ECT2: variants seen among roughly 807,000 people sequenced by gnomAD.
ECT2 encodes epithelial cell transforming 2, also known as protein ECT2.
Under a neutral mutation model 116.9 loss-of-function variants are expected in ECT2, and 61 were observed. The ratio of observed to expected loss-of-function variants is 0.52; its 90% CI spans 0.42 to 0.65. The LOEUF is 0.65. Among genes scored for constraint, ECT2 ranks in the 30% least tolerant of loss-of-function variants. The pLI is 0.00. For synonymous variants in ECT2, 358 were observed against 346.4 expected (o/e 1.03, Z -0.37); for missense variants, 937 against 1,078.7 (o/e 0.87, Z 1.84).
downstream of ECT2, among the ~76,000 whole-genome samples, chr3:172,822,542 CA>C (rs1451362468): frequency 2.6e-5 from 4 of 151,784 alleles, no homozygotes; most frequent in Non-Finnish European, 5.9e-5. Flanking sequence ...ATCCCTGACT[CA>C]GCCTAGTTGA....
At chr3:172,790,966 C>G (rs1724547025) in intron 18 of ECT2, among the ~76,000 whole-genome samples, 1 of 152,174 alleles carries the variant, frequency 6.6e-6, no homozygotes, top group Admixed American at 6.5e-5. Context: ...ACCAGCCTGA[C>G]CAACATGGCA....
intron 22 of ECT2, among the ~76,000 whole-genome samples, chr3:172,810,399 C>A (rs1728562023): frequency 6.6e-6 from 1 of 152,138 alleles, no homozygotes; most frequent in Admixed American, 6.6e-5. Flanking sequence ...GAATTTCTAA[C>A]TGCATGAGAA....
Position 172,820,601 on chromosome 3 carries a change from A to T in ECT2, c.*364A>T, listed in dbSNP as rs78863752. ...CTGTGAATCTATTTGTATAGTATCC[A>T]TGAATGAATTTATGGAAATAGATAT... is the stretch of plus-strand genomic sequence containing the variant. On this transcript the variant is annotated 3_prime_UTR_variant, in exon 25 of 25. Coordinates refer to ENST00000392692, the MANE Select transcript of ECT2 (RefSeq NM_001258315.2). 6.3e-6 allele frequency: 1 copy of T among 157,900 alleles called. No individual in the cohort carries two copies. Among genetic ancestry groups the T allele is most frequent in the Non-Finnish European group, 1.4e-5 (1 of 71,808 alleles). 9.8% of individuals were successfully genotyped at this position (157,900 alleles called of 1,614,324 possible). A position where few individuals can be genotyped will look rare whatever the true frequency, so the allele number is the denominator to read the frequency against.
intron 6 of ECT2, 102 bp from the exon 7 acceptor site, chr3:172,760,054 T>C (rs1717916577): frequency 1.7e-6 from 1 of 599,302 alleles, no homozygotes. Flanking sequence ...ATGTATTTTA[T>C]AAATAGAAAG....
chr3:172,789,874 T>G (rs1724332801), intron 18 of ECT2, among the ~76,000 whole-genome samples: 1 of 152,192 alleles, frequency 6.6e-6, no homozygotes, highest in South Asian at 2.1e-4. Flanking sequence ...CACTTGCCAT[T>G]TCTGCCACAT....
intron 1 of ECT2, among the ~76,000 whole-genome samples, chr3:172,753,699 A>G (rs1716390191): frequency 6.6e-6 from 1 of 152,170 alleles, no homozygotes; most frequent in Admixed American, 6.5e-5. Context: ...ATGCAAATAG[A>G]TGTGATGTAA....
At position 172,804,301 on chromosome 3, in the gene ECT2, A is replaced by G. The variant is rs774835729; in HGVS notation, c.2106+1321A>G. On this transcript the variant is annotated intron_variant, in intron 20 of 24. Coordinates refer to ENST00000392692, the MANE Select transcript of ECT2 (RefSeq NM_001258315.2). Reference sequence around the variant, plus strand: ...AGAAATTCACTTGTGTTAAATGCAGAGTTTTGTTGTTATGAGGCTAAATGA... The same window carrying G: ...AGAAATTCACTTGTGTTAAATGCAGGGTTTTGTTGTTATGAGGCTAAATGA... Among the ~76,000 whole-genome samples the G allele has an allele frequency of 4.6e-5, 7 of 152,272 alleles. No individual in the cohort carries two copies. In the East Asian group the frequency reaches 7.7e-4, roughly 17 times the overall value.
At chr3:172,823,426 T>A (rs1177005440), downstream of ECT2, among the ~76,000 whole-genome samples, 1 of 152,214 alleles carries the variant, frequency 6.6e-6, no homozygotes, top group Non-Finnish European at 1.5e-5. Context: ...CCTACCATTT[T>A]TAATCATTAG....
chr3:172,815,522 C>T (rs1729522764), intron 22 of ECT2, 82 bp from the exon 23 acceptor site: 1 of 781,082 alleles, frequency 1.3e-6, no homozygotes, highest in African/African-American at 1.8e-5. Flanking sequence ...TAAATACTCC[C>T]ATATATAAAT....
intron 14 of ECT2, among the ~76,000 whole-genome samples, chr3:172,775,959 C>T (rs777044040): frequency 7.2e-5 from 11 of 151,966 alleles, no homozygotes; most frequent in African/African-American, 2.2e-4. Flanking sequence ...GGTGTTTTGC[C>T]GCTAACTTTG....
chr3:172,793,586 C>T (rs1342528496), intron 18 of ECT2, among the ~76,000 whole-genome samples: 1 of 151,732 alleles, frequency 6.6e-6, no homozygotes, highest in Non-Finnish European at 1.5e-5. Flanking sequence ...GCCTCAGCCT[C>T]CCGAGTAATT....
chr3:172,776,407 C>G (rs1000824988), intron 14 of ECT2, among the ~76,000 whole-genome samples: 1 of 151,876 alleles, frequency 6.6e-6, no homozygotes, highest in African/African-American at 2.4e-5. Context: ...AGAGAAATAC[C>G]CATAATTCCA....
At chr3:172,765,547 G>T (rs1410993184) in intron 12 of ECT2, among the ~76,000 whole-genome samples, 1 of 151,996 alleles carries the variant, frequency 6.6e-6, no homozygotes, top group Admixed American at 6.6e-5. Flanking sequence ...TAATTCCTCT[G>T]TTCCTTTGCT....
intron 2 of ECT2, 51 bp from the exon 3 acceptor site, chr3:172,755,244 G>T: frequency 7.0e-7 from 1 of 1,422,060 alleles, no homozygotes. Context: ...AGGACCTACT[G>T]ATTGTGATGT....
At chr3:172,804,032 A>ACTCCTGG (rs1362131783) in intron 20 of ECT2, among the ~76,000 whole-genome samples, 1 of 152,114 alleles carries the variant, frequency 6.6e-6, no homozygotes, top group Non-Finnish European at 1.5e-5. Flanking sequence ...TCCTGGACTC[A>ACTCCTGG]AACAATTTAC....
intron 18 of ECT2, among the ~76,000 whole-genome samples, chr3:172,798,515 C>T (rs929830145): frequency 2.0e-5 from 3 of 152,160 alleles, no homozygotes; most frequent in Admixed American, 6.5e-5. Flanking sequence ...AACTACTAAT[C>T]GAGATCAAGC....
chr3:172,768,588 T>C (rs1560269070), intron 12 of ECT2, among the ~76,000 whole-genome samples: 2 of 152,342 alleles, frequency 1.3e-5, no homozygotes, highest in East Asian at 3.9e-4. Context: ...TGAACTGTTT[T>C]GTAGACTTCA....
intron 17 of ECT2, among the ~76,000 whole-genome samples, chr3:172,785,415 A>G (rs1723435285): frequency 6.6e-6 from 1 of 152,058 alleles, no homozygotes; most frequent in African/African-American, 2.4e-5. Flanking sequence ...TATGAAAACA[A>G]AATTATAGCC....
At chr3:172,814,120 A>C (rs940215119) in intron 22 of ECT2, among the ~76,000 whole-genome samples, 1 of 152,084 alleles carries the variant, frequency 6.6e-6, no homozygotes, top group Non-Finnish European at 1.5e-5. Flanking sequence ...GATCAAGTGG[A>C]AAGAGAGGTT....
Sources: gnomAD v4.1 joint callset for allele counts (sites outside exome capture counted in the v4.1 genomes callset) on GRCh38, gnomAD v4.1.1 for gene constraint, MANE v1.5 for transcripts, NCBI Gene and HGNC (gene_info 2026-07-23, HGNC 2026-07-21) for gene names.